LRP1B: variants seen among roughly 807,000 people sequenced by gnomAD.
The protein encoded by LRP1B is LDL receptor related protein 1B.
Under a neutral mutation model 556.6 loss-of-function variants are expected in LRP1B, and 217 were observed. The ratio of observed to expected loss-of-function variants is 0.39; its 90% CI spans 0.35 to 0.44. The LOEUF (loss-of-function observed/expected upper bound fraction) is 0.44, where lower values mean the gene tolerates loss of function less well. Among genes scored for constraint, LRP1B ranks in the 20% least tolerant of loss-of-function variants. LRP1B has a pLI of 1.00. For synonymous variants in LRP1B, 2,047 were observed against 1,865.8 expected, an observed-to-expected ratio of 1.10 and a Z score of -2.50; for missense variants, 5,053 against 5,620.8, an observed-to-expected ratio of 0.90 and a Z score of 3.23.
chr2:140,379,935 T>C (rs1573867634), intron 67 of LRP1B, among the ~76,000 whole-genome samples: 1 of 152,192 alleles, frequency 6.6e-6, no homozygotes, highest in East Asian at 1.9e-4. Context: ...TTTCCCTTTT[T>C]GTTTATATAA....
At chr2:141,663,309 TAGA>T (rs1333907236) in intron 2 of LRP1B, among the ~76,000 whole-genome samples, 3 of 151,324 alleles carry the variant, frequency 2.0e-5, no homozygotes, top group Non-Finnish European at 2.9e-5. Context: ...GCCGCAAAGC[TAGA>T]AGAAGACAAG....
At chr2:141,483,441 G>A (rs187750552) in intron 2 of LRP1B, among the ~76,000 whole-genome samples, 8,680 of 72,124 alleles carry the variant, frequency 0.12, 817 homozygotes, top group Middle Eastern at 0.15. Flanking sequence ...ATGTGTCTTT[G>A]TAGCAGCATG....
intron 1 of LRP1B, among the ~76,000 whole-genome samples, chr2:141,908,320 TA>T (rs1699814662): frequency 6.6e-6 from 1 of 152,110 alleles, no homozygotes; most frequent in Admixed American, 6.6e-5. Flanking sequence ...AATAAGTGTT[TA>T]CATATTTCTG....
intron 1 of LRP1B, among the ~76,000 whole-genome samples, chr2:141,967,770 A>G (rs1189924199): frequency 2.0e-5 from 3 of 151,866 alleles, no homozygotes; most frequent in Admixed American, 2.0e-4. Flanking sequence ...TTTGCTTAAC[A>G]TGAACTGATT....
chr2:140,389,507 A>G (rs921142459), intron 66 of LRP1B, among the ~76,000 whole-genome samples: 7 of 150,934 alleles, frequency 4.6e-5, no homozygotes, highest in African/African-American at 1.7e-4. Flanking sequence ...GCAATAAACA[A>G]AAATGAAACA....
At chr2:140,843,079 T>TTTGTGG (rs1559151580) in intron 29 of LRP1B, among the ~76,000 whole-genome samples, 1 of 20,052 alleles carries the variant, frequency 5.0e-5, no homozygotes, top group Non-Finnish European at 1.1e-4. Flanking sequence ...TTTTTTTTTT[T>TTTGTGG]TGTTTGTTTT....
Position 140,427,785 on chromosome 2 carries a change from C to T in LRP1B, c.10414+14719G>A, listed in dbSNP as rs913105571. ...TTCTAATCTTCCTTTTCTACAGACC[C>T]ATCTGTCCTCTCCCCTCCTCGCCAG... On this transcript the variant is annotated intron_variant, in intron 66 of 90. Coordinates refer to ENST00000389484, the MANE Select transcript of LRP1B (RefSeq NM_018557.3). Among the ~76,000 whole-genome samples the T allele has an allele frequency of 3.8e-4, 58 of 152,130 alleles. 1 individual carries two copies. The highest frequency in any genetic ancestry group is 7.1e-4 in the Non-Finnish European group (48 of 68,000).
At chr2:141,834,279 A>T (rs1043909822) in intron 1 of LRP1B, among the ~76,000 whole-genome samples, 15 of 151,970 alleles carry the variant, frequency 9.9e-5, no homozygotes, top group Admixed American at 9.2e-4. Context: ...CACTTCGGAG[A>T]ATGATGCAGA....
At position 141,732,083 on chromosome 2, in the gene LRP1B, A is replaced by G. The variant is rs189881513; in HGVS notation, c.205+78196T>C. Among the ~76,000 whole-genome samples the G allele has an allele frequency of 1.7e-3, 252 of 152,236 alleles. 1 individual carries two copies. Among genetic ancestry groups the G allele is most frequent in the African/African-American group, 5.8e-3 (243 of 41,558 alleles). On this transcript the variant is annotated intron_variant, in intron 2 of 90. Transcript: ENST00000389484. The stretch of plus-strand genomic sequence containing the variant: ...GGTATTTTTCAAGGTAACCTCATCA[A>G]CTACCTAAATGGTAATGACCTTCTC...
At chr2:140,504,944 A>G (rs1689344938) in intron 53 of LRP1B, among the ~76,000 whole-genome samples, 1 of 152,222 alleles carries the variant, frequency 6.6e-6, no homozygotes. Flanking sequence ...TGACTGTAAC[A>G]TTTCATTCTC....
intron 1 of LRP1B, among the ~76,000 whole-genome samples, chr2:141,906,740 G>A (rs1041771366): frequency 2.0e-5 from 3 of 152,028 alleles, no homozygotes; most frequent in African/African-American, 7.2e-5. Flanking sequence ...TTTGGTGTGT[G>A]CATGCATATT....
intron 1 of LRP1B, among the ~76,000 whole-genome samples, chr2:142,013,284 A>G (rs1703012369): frequency 6.6e-6 from 1 of 152,172 alleles, no homozygotes; most frequent in African/African-American, 2.4e-5. Context: ...TAAAGGAAGT[A>G]ATGTTAAACT....
chr2:141,319,293 A>C (rs1687142596), intron 3 of LRP1B, among the ~76,000 whole-genome samples: 2 of 139,860 alleles, frequency 1.4e-5, no homozygotes, highest in Admixed American at 1.4e-4. Context: ...GTCTCTAAAA[A>C]GCAGTGTTTT....
At chr2:141,883,635 G>T (rs1445816970) in intron 1 of LRP1B, among the ~76,000 whole-genome samples, 1 of 152,072 alleles carries the variant, frequency 6.6e-6, no homozygotes, top group Non-Finnish European at 1.5e-5. Flanking sequence ...GAGGTAGGAG[G>T]ATCTCTTGAG....
chr2:141,822,965 A>G (rs1294484380), intron 1 of LRP1B, among the ~76,000 whole-genome samples: 2 of 152,208 alleles, frequency 1.3e-5, no homozygotes, highest in East Asian at 3.9e-4. Context: ...CATTCCGTGA[A>G]CAGAGCTGAA....
At chr2:142,090,042 T>C (rs1706102972) in intron 1 of LRP1B, among the ~76,000 whole-genome samples, 1 of 152,178 alleles carries the variant, frequency 6.6e-6, no homozygotes, top group Non-Finnish European at 1.5e-5. Context: ...TTGGCATCTA[T>C]GTGGATAATG....
intron 2 of LRP1B, among the ~76,000 whole-genome samples, chr2:141,699,836 C>T (rs1033214784): frequency 6.7e-6 from 1 of 148,326 alleles, no homozygotes; most frequent in Non-Finnish European, 1.5e-5. Context: ...AAAATGAAAC[C>T]GTTGACACTA....
At chr2:140,778,467 A>T (rs1280619808) in intron 32 of LRP1B, among the ~76,000 whole-genome samples, 1 of 152,124 alleles carries the variant, frequency 6.6e-6, no homozygotes, top group Non-Finnish European at 1.5e-5. Flanking sequence ...TTCTAATGAG[A>T]TTTCTGGAAA....
At chr2:141,381,365 G>GAAA (rs578203777) in intron 3 of LRP1B, among the ~76,000 whole-genome samples, 2 of 132,808 alleles carry the variant, frequency 1.5e-5, no homozygotes, top group African/African-American at 5.5e-5. Context: ...AGTCAAAAGA[G>GAAA]AAAAAAAAAA....
Sources: allele counts gnomAD v4.1 joint callset (sites outside exome capture counted in the v4.1 genomes callset), GRCh38; gene constraint gnomAD v4.1.1; transcripts MANE v1.5; gene names NCBI Gene and HGNC (gene_info 2026-07-23, HGNC 2026-07-21).